BDP1: variants seen among roughly 807,000 people sequenced by gnomAD.
BDP1 encodes transcription factor TFIIIB component B'' homolog.
A neutral mutation model predicts 266.6 loss-of-function variants in BDP1; 169 were observed. The observed-to-expected ratio is 0.63, with a 90% CI of 0.56 to 0.72. BDP1 has a LOEUF of 0.72. Among genes scored for constraint, BDP1 ranks in the 30% least tolerant of loss-of-function variants. The pLI is 0.00. For synonymous variants in BDP1, 1,090 were observed against 1,022.4 expected, an observed-to-expected ratio of 1.07 and a Z score of -1.26; for missense variants, 3,015 against 3,053.8, an observed-to-expected ratio of 0.99 and a Z score of 0.30.
intron 4 of BDP1, 116 bp downstream of exon 4, chr5:71,464,233 C>G (rs1761757042): frequency 1.6e-6 from 1 of 637,990 alleles, no homozygotes. Context: ...CAGTGGTTCA[C>G]TCCTGTAATC....
rs374070569 is a variant in BDP1, at chr5:71,560,783, T to C, written c.7496+546T>C. Among the ~76,000 whole-genome samples, 15 of 152,304 alleles carry C rather than the reference T, an allele frequency of 9.8e-5. 1 individual carries two copies. The highest frequency in any genetic ancestry group is 3.6e-4 in the African/African-American group (15 of 41,564). On this transcript the variant is annotated intron_variant, in intron 37 of 38. Transcript: ENST00000358731. ...ATCCAGAAGATTAATGTGGTGTTGCTGAACTGAAAGAGGTGGGGGAACATG... is the reference window on the plus strand; with the variant it reads ...ATCCAGAAGATTAATGTGGTGTTGCCGAACTGAAAGAGGTGGGGGAACATG...
rs1766986212 is a variant in BDP1, at chr5:71,541,799, T to C, written c.6251+117T>C. ...ATGCTAATTTCTTACCCTTTAAAGA[T>C]AGACTGATTTTGATTTTAGGTTAGT... On this transcript the variant is annotated intron_variant, in intron 29 of 38. Transcript: ENST00000358731. 2.6e-5 allele frequency: 17 copies of C among 663,368 alleles called. No individual in the cohort carries two copies. The South Asian group carries it at 4.5e-4, about 18-fold the overall frequency. The allele number at this position is 663,368 out of a possible 1,614,324, so 41.1% of individuals were successfully genotyped here. A position where few individuals can be genotyped will look rare whatever the true frequency, so the allele number is the denominator to read the frequency against.
chr5:71,458,309 G>T (rs1447789994), intron 1 of BDP1, among the ~76,000 whole-genome samples: 3 of 151,414 alleles, frequency 2.0e-5, no homozygotes, highest in Non-Finnish European at 4.4e-5. Flanking sequence ...TTTGTTTTGA[G>T]GGGGGTAAGC....
chr5:71,469,740 A>C (rs533614768), intron 6 of BDP1, among the ~76,000 whole-genome samples: 221 of 140,772 alleles, frequency 1.6e-3, no homozygotes, highest in African/African-American at 5.5e-3. Flanking sequence ...CAGCCTCCCC[A>C]GTAGCTGGGA....
chr5:71,497,981 C>T (rs1165094859), intron 13 of BDP1, among the ~76,000 whole-genome samples: 2 of 150,962 alleles, frequency 1.3e-5, no homozygotes, highest in African/African-American at 4.9e-5. Flanking sequence ...GAGACGGAGT[C>T]TCACTGTCTC....
At chr5:71,550,443 T>G (rs1227615154) in intron 34 of BDP1, among the ~76,000 whole-genome samples, 1 of 144,492 alleles carries the variant, frequency 6.9e-6, no homozygotes, top group Non-Finnish European at 1.5e-5. Context: ...TGCGCACCAC[T>G]GTGGTTAGCT....
chr5:71,513,843 C>T (rs1410011879), intron 19 of BDP1, among the ~76,000 whole-genome samples: 6 of 152,044 alleles, frequency 3.9e-5, no homozygotes, highest in African/African-American at 1.4e-4. Flanking sequence ...CCTCAGCCTC[C>T]TGAATGCTGG....
chr5:71,483,724 A>G (rs1763096007), intron 7 of BDP1, 118 bp from the exon 8 acceptor site: 18 of 720,490 alleles, frequency 2.5e-5, no homozygotes, highest in South Asian at 2.1e-4. Flanking sequence ...TGGCAAAGAC[A>G]TATTAAGTAG....
chr5:71,489,517 C>T lies in BDP1; in HGVS notation c.1327C>T (p.Leu443=), dbSNP rs976846359. The T allele has an allele frequency of 6.2e-7, 1 of 1,614,096 alleles. No homozygotes were observed. The highest frequency in any genetic ancestry group is 8.5e-7 in the Non-Finnish European group (1 of 1,180,000). The change falls in exon 10 of 39, where the codon CTG becomes TTG. Residue 443 remains leucine (L), a synonymous_variant. Coordinates refer to ENST00000358731, the MANE Select transcript of BDP1 (RefSeq NM_018429.3). ...TGCTCAGACAGTTGAAGAAGAGTCT[C>T]TGACCTTATCAAGGGAGGATGCAGA... ...KDAQTVEEES[L]TLSREDAEQV... is the part of the protein sequence containing the mutation.
At chr5:71,550,837 C>T (rs1742690997) in intron 34 of BDP1, among the ~76,000 whole-genome samples, 1 of 152,044 alleles carries the variant, frequency 6.6e-6, no homozygotes, top group Non-Finnish European at 1.5e-5. Flanking sequence ...TCCCAAGTAG[C>T]TGGGACTATA....
chr5:71,538,569 G>A (rs1312570239), intron 26 of BDP1, among the ~76,000 whole-genome samples: 1 of 152,102 alleles, frequency 6.6e-6, no homozygotes, highest in Non-Finnish European at 1.5e-5. Context: ...CTGAGGAGTG[G>A]GTCAGTGAAG....
chr5:71,477,617 A>ATTTTTTCTTTT (rs55925843), intron 7 of BDP1, among the ~76,000 whole-genome samples: 62,481 of 143,834 alleles, frequency 0.43, 13,884 homozygotes, highest in South Asian at 0.54. Flanking sequence ...GTTCAGACAA[A>ATTTTTTCTTTT]TTTTTTCTTT....
chr5:71,557,125 C>T (rs1743273287), intron 36 of BDP1, among the ~76,000 whole-genome samples, 200 bp downstream of exon 36: 1 of 152,276 alleles, frequency 6.6e-6, no homozygotes, highest in African/African-American at 2.4e-5. Flanking sequence ...ATCCTGTCAT[C>T]AGTTGAAGAC....
At chr5:71,533,849 G>A (rs1354025540) in intron 26 of BDP1, among the ~76,000 whole-genome samples, 1 of 152,112 alleles carries the variant, frequency 6.6e-6, no homozygotes, top group Non-Finnish European at 1.5e-5. Context: ...GACTAATGAT[G>A]TCAGGCACAT....
At chr5:71,560,341 A>G in intron 37 of BDP1, 104 bp downstream of exon 37, 10 of 1,208,326 alleles carry the variant, frequency 8.3e-6, no homozygotes, top group East Asian at 2.5e-5. Context: ...TTTAATAAAC[A>G]TATTCCTCCA....
intron 30 of BDP1, among the ~76,000 whole-genome samples, chr5:71,543,977 A>T (rs191901398): frequency 1.6e-4 from 25 of 152,268 alleles, no homozygotes; most frequent in Admixed American, 1.0e-3. Context: ...CGTTTGTGAT[A>T]TTATTCTTTG....
At chr5:71,545,366 C>A in intron 32 of BDP1, 147 bp downstream of exon 32, 2 of 805,156 alleles carry the variant, frequency 2.5e-6, no homozygotes, top group Admixed American at 2.9e-5. Context: ...CAGTCTTGTT[C>A]TGTTGCCCAG....
chr5:71,547,141 C>G (rs1218514193), intron 32 of BDP1, among the ~76,000 whole-genome samples: 1 of 152,086 alleles, frequency 6.6e-6, no homozygotes, highest in African/African-American at 2.4e-5. Context: ...GTGTGAGCCA[C>G]CACGCCTGGC....
rs529929242 is a variant in BDP1 at position 71,504,410 on chromosome 5, G to A, written c.2242-211G>A. Among the ~76,000 whole-genome samples the A allele has an allele frequency of 9.2e-5, 14 of 152,228 alleles. No homozygotes were observed. In the South Asian group the frequency reaches 1.7e-3, roughly 18 times the overall value. ...GCAGTTACTTGTTTTTTGATTGGGA[G>A]GAAAAGAATGGGGCTTTGAGATATC... On this transcript the variant is annotated intron_variant, in intron 15 of 38. Coordinates refer to ENST00000358731, the MANE Select transcript of BDP1 (RefSeq NM_018429.3).
Sources: allele counts gnomAD v4.1 joint callset (sites outside exome capture counted in the v4.1 genomes callset), GRCh38; gene constraint gnomAD v4.1.1; transcripts MANE v1.5; gene names NCBI Gene and HGNC (gene_info 2026-07-23, HGNC 2026-07-21).